The following PPP1R9A variants were observed in gnomAD, a reference collection of about 807,000 sequenced individuals.
PPP1R9A encodes neurabin-1.
Under a neutral mutation model 141.9 loss-of-function variants are expected in PPP1R9A, and 59 were observed. That is an observed-to-expected ratio of 0.42 (90% CI 0.34 to 0.52). The LOEUF (loss-of-function observed/expected upper bound fraction) is 0.52, where lower values mean the gene tolerates loss of function less well. PPP1R9A is among the 20% of genes least tolerant of loss of function. PPP1R9A has a pLI of 0.10. For synonymous variants in PPP1R9A, 500 were observed against 569.7 expected (o/e 0.88, Z 1.74); for missense variants, 1,444 against 1,611.9 (o/e 0.90, Z 1.78).
chr7:94,974,424 A>C (rs745673902), intron 2 of PPP1R9A, among the ~76,000 whole-genome samples: 3 of 152,194 alleles, frequency 2.0e-5, no homozygotes, highest in African/African-American at 7.2e-5. Flanking sequence ...ATATATTGCA[A>C]TGAGTTTGAT....
At chr7:95,049,691 C>T (rs1007260033) in intron 2 of PPP1R9A, among the ~76,000 whole-genome samples, 1 of 152,154 alleles carries the variant, frequency 6.6e-6, no homozygotes, top group Non-Finnish European at 1.5e-5. Context: ...CAATTAATCC[C>T]TTCCTCCTGC....
At chr7:94,985,187 G>A (rs1240407626) in intron 2 of PPP1R9A, among the ~76,000 whole-genome samples, 1 of 152,148 alleles carries the variant, frequency 6.6e-6, no homozygotes, top group East Asian at 1.9e-4. Flanking sequence ...ATTGCACTGT[G>A]GTCTGAGAGA....
intron 2 of PPP1R9A, among the ~76,000 whole-genome samples, chr7:94,919,951 C>T (rs965770655): frequency 1.6e-4 from 25 of 152,096 alleles, no homozygotes; most frequent in Admixed American, 1.3e-4. Context: ...GATTGTTTCT[C>T]GGCTTTACCA....
At chr7:94,928,294 G>C (rs894828748) in intron 2 of PPP1R9A, among the ~76,000 whole-genome samples, 7 of 152,044 alleles carry the variant, frequency 4.6e-5, no homozygotes, top group African/African-American at 1.7e-4. Flanking sequence ...TTCAAGGAGG[G>C]ACTTGTATAC....
chr7:95,212,283 G>A (rs1563426232), intron 7 of PPP1R9A, among the ~76,000 whole-genome samples: 1 of 151,774 alleles, frequency 6.6e-6, no homozygotes, highest in Non-Finnish European at 1.5e-5. Flanking sequence ...GTTTACTTGG[G>A]ATATCCATCA....
intron 2 of PPP1R9A, among the ~76,000 whole-genome samples, chr7:95,058,049 T>A (rs1167234369): frequency 6.6e-6 from 1 of 152,152 alleles, no homozygotes; most frequent in South Asian, 2.1e-4. Context: ...TTCTGAAGTT[T>A]GTAACTGGAG....
chr7:95,198,547 G>C, intron 6 of PPP1R9A, 63 bp downstream of exon 6: 1 of 1,460,940 alleles, frequency 6.8e-7, no homozygotes, highest in Non-Finnish European at 9.1e-7. Flanking sequence ...TCTCTCTACT[G>C]TATAACAGTA....
intron 4 of PPP1R9A, among the ~76,000 whole-genome samples, chr7:95,148,715 C>CG (rs1828096940): frequency 6.6e-6 from 1 of 150,938 alleles, no homozygotes; most frequent in Non-Finnish European, 1.5e-5. Context: ...AATTAACAAC[C>CG]TTCAAAAAGA....
intron 2 of PPP1R9A, among the ~76,000 whole-genome samples, chr7:94,942,207 A>G (rs1795403394): frequency 6.6e-6 from 1 of 152,098 alleles, no homozygotes; most frequent in Non-Finnish European, 1.5e-5. Flanking sequence ...AAGCCATAAT[A>G]GCACTAAAGT....
chr7:95,085,384 G>T, intron 2 of PPP1R9A, among the ~76,000 whole-genome samples: 1 of 150,304 alleles, frequency 6.7e-6, no homozygotes, highest in East Asian at 1.9e-4. Flanking sequence ...ATAGGCATGA[G>T]CCACTGCGCT....
chr7:95,028,493 ATTG>A (rs1425303418), intron 2 of PPP1R9A, among the ~76,000 whole-genome samples: 4 of 152,196 alleles, frequency 2.6e-5, no homozygotes, highest in Non-Finnish European at 4.4e-5. Flanking sequence ...TTATTAATAT[ATTG>A]TTCATGTAAT....
At chr7:95,169,268 A>C (rs2152743409) in intron 5 of PPP1R9A, among the ~76,000 whole-genome samples, 1 of 152,098 alleles carries the variant, frequency 6.6e-6, no homozygotes, top group Non-Finnish European at 1.5e-5. Context: ...CATTATGTTA[A>C]CTGAAATAAG....
rs376321216 is a variant in PPP1R9A, at chr7:95,082,465, T to C, written c.1396-28794T>C. Reference sequence around the variant, plus strand: ...TAAAGTGTAGAGGGTAGAGACCTGGTGTGATGGGTGATTCCTGTAATCCCA... The same window carrying C: ...TAAAGTGTAGAGGGTAGAGACCTGGCGTGATGGGTGATTCCTGTAATCCCA... On this transcript the variant is annotated intron_variant, in intron 2 of 19. Coordinates refer to ENST00000433360, the MANE Select transcript of PPP1R9A (RefSeq NM_001166160.2). Among the ~76,000 whole-genome samples the C allele has an allele frequency of 5.9e-5, 9 of 152,026 alleles. 1 individual carries two copies. The highest frequency in any genetic ancestry group is 2.2e-4 in the African/African-American group (9 of 41,348).
intron 4 of PPP1R9A, among the ~76,000 whole-genome samples, chr7:95,149,490 A>C (rs1214908275): frequency 6.6e-6 from 1 of 152,120 alleles, no homozygotes; most frequent in Non-Finnish European, 1.5e-5. Context: ...AATAGAGTAA[A>C]AAACCTCTGA....
intron 8 of PPP1R9A, among the ~76,000 whole-genome samples, chr7:95,245,515 A>G (rs929969962): frequency 6.6e-6 from 1 of 152,266 alleles, no homozygotes; most frequent in Non-Finnish European, 1.5e-5. Flanking sequence ...TCCACTGGGC[A>G]TTCAAGCCTA....
chr7:94,937,206 T>A (rs1794867572), intron 2 of PPP1R9A, among the ~76,000 whole-genome samples: 1 of 152,188 alleles, frequency 6.6e-6, no homozygotes, highest in South Asian at 2.1e-4. Flanking sequence ...GAAGTAGTGC[T>A]GCTCAGAGCC....
chr7:95,159,838 A>C (rs1244264850), intron 4 of PPP1R9A, among the ~76,000 whole-genome samples: 1 of 151,334 alleles, frequency 6.6e-6, no homozygotes, highest in Admixed American at 6.6e-5. Context: ...AGGCAGGAGA[A>C]TCTCTTGAAC....
rs559597456 is a variant in PPP1R9A at position 94,930,482 on chromosome 7, T to C, written c.1395+18974T>C. Among the ~76,000 whole-genome samples, 111 of 152,164 alleles carry C rather than the reference T, an allele frequency of 7.3e-4. 2 individuals carry two copies. The South Asian group carries it at 0.023, about 31-fold the overall frequency. ...CCTCCCAAGTAGCTGGCATTACAGG[T>C]GCCCCCAAACAATGCCTGGCTAATT... On this transcript the variant is annotated intron_variant, in intron 2 of 19. Coordinates refer to ENST00000433360, the MANE Select transcript of PPP1R9A (RefSeq NM_001166160.2).
intron 12 of PPP1R9A, among the ~76,000 whole-genome samples, chr7:95,267,585 A>C (rs1801496723): frequency 6.6e-6 from 1 of 152,072 alleles, no homozygotes; most frequent in Admixed American, 6.6e-5. Flanking sequence ...AGGTAGCAAA[A>C]TTAAAGGTGG....
Sources: allele counts gnomAD v4.1 joint callset (sites outside exome capture counted in the v4.1 genomes callset), GRCh38; gene constraint gnomAD v4.1.1; transcripts MANE v1.5; gene names NCBI Gene and HGNC (gene_info 2026-07-23, HGNC 2026-07-21).